The following BARD1 variants were observed in gnomAD, a reference collection of about 807,000 sequenced individuals.
The protein encoded by BARD1 is BRCA1-associated RING domain protein 1.
A neutral mutation model predicts 77.0 loss-of-function variants in BARD1; 73 were observed. The observed-to-expected ratio is 0.95, with a 90% CI of 0.79 to 1.15. The LOEUF is 1.15. Ranked by LOEUF, BARD1 falls within the 50% of genes most tolerant of loss-of-function variation. The pLI is 0.00. For synonymous variants in BARD1, 384 were observed against 338.0 expected (o/e 1.14, Z -1.49); for missense variants, 993 against 938.8 (o/e 1.06, Z -0.75).
intron 3 of BARD1, among the ~76,000 whole-genome samples, chr2:214,791,369 A>C (rs1695504064): frequency 2.0e-5 from 3 of 152,216 alleles, no homozygotes; most frequent in Non-Finnish European, 2.9e-5. Context: ...TAAGAACAAA[A>C]GATTTAAAAA....
At chr2:214,798,842 G>T (rs1695881724) in intron 1 of BARD1, among the ~76,000 whole-genome samples, 1 of 151,950 alleles carries the variant, frequency 6.6e-6, no homozygotes, top group Non-Finnish European at 1.5e-5. Context: ...GTAGCAACCG[G>T]GTACTGAGGC....
At position 214,728,281 on chromosome 2, in the gene BARD1, TAAA is replaced by T. The variant is rs754881729; in HGVS notation, c.*392_*394del. On this transcript the variant is annotated 3_prime_UTR_variant, in exon 11 of 11. Transcript: ENST00000260947. ...AATTGTTTGATAATATTCTGTTTACTAAAAAAAAAAAAAAAAAAAAGGCAAGTT... is the reference window on the plus strand; with the variant it reads ...AATTGTTTGATAATATTCTGTTTACTAAAAAAAAAAAAAAAAAGGCAAGTT... 8.3e-3 allele frequency: 1,225 copies of T among 148,070 alleles called. No individual in the cohort carries two copies. Among genetic ancestry groups the T allele is most frequent in the East Asian group, 0.022 (248 of 11,138 alleles). 9.2% of individuals were successfully genotyped at this position (148,070 alleles called of 1,614,324 possible). A position where few individuals can be genotyped will look rare whatever the true frequency, so the allele number is the denominator to read the frequency against.
chr2:214,745,625 T>C (rs1045230764), intron 8 of BARD1, 97 bp downstream of exon 8: 143 of 1,481,904 alleles, frequency 9.6e-5, no homozygotes, highest in East Asian at 2.3e-5. Flanking sequence ...CATCTCCCAA[T>C]GGTTAAAACA....
intron 1 of BARD1, among the ~76,000 whole-genome samples, chr2:214,807,981 A>T (rs1337382879): frequency 6.6e-6 from 1 of 152,226 alleles, no homozygotes; most frequent in Non-Finnish European, 1.5e-5. Context: ...ACACAACTCA[A>T]ATGTCTTCAT....
At chr2:214,737,836 CA>C (rs1692633626) in intron 9 of BARD1, among the ~76,000 whole-genome samples, 2 of 152,010 alleles carry the variant, frequency 1.3e-5, no homozygotes, top group African/African-American at 4.8e-5. Context: ...ATTTAAAACA[CA>C]GTTACATTTT....
chr2:214,742,710 C>T (rs528833579), intron 9 of BARD1, among the ~76,000 whole-genome samples: 1 of 152,304 alleles, frequency 6.6e-6, no homozygotes, highest in African/African-American at 2.4e-5. Flanking sequence ...CCAAAGAAGG[C>T]ATATTTTATG....
At chr2:214,781,727 T>C (rs909654056) in intron 3 of BARD1, among the ~76,000 whole-genome samples, 1 of 152,070 alleles carries the variant, frequency 6.6e-6, no homozygotes, top group Admixed American at 6.6e-5. Flanking sequence ...ACTGAAGATA[T>C]AGCAGAGAAC....
intron 9 of BARD1, among the ~76,000 whole-genome samples, chr2:214,741,021 G>A (rs910612241): frequency 2.0e-5 from 3 of 152,056 alleles, no homozygotes; most frequent in Non-Finnish European, 4.4e-5. Flanking sequence ...TGTTTGAAAA[G>A]AATTAATGTG....
intron 1 of BARD1, among the ~76,000 whole-genome samples, chr2:214,808,929 G>T (rs1023028873): frequency 6.6e-6 from 1 of 152,222 alleles, no homozygotes; most frequent in Non-Finnish European, 1.5e-5. Context: ...AAGCTGGCAC[G>T]GAGAAAATGT....
intron 4 of BARD1, among the ~76,000 whole-genome samples, chr2:214,777,794 G>A (rs1694799286): frequency 6.6e-6 from 1 of 152,188 alleles, no homozygotes; most frequent in South Asian, 2.1e-4. Flanking sequence ...TCTGAAGCAG[G>A]TGGGTGCAAA....
chr2:214,732,687 A>T (rs1171900262), intron 9 of BARD1, among the ~76,000 whole-genome samples: 1 of 152,122 alleles, frequency 6.6e-6, no homozygotes, highest in East Asian at 1.9e-4. Flanking sequence ...GAACCACCAC[A>T]CCTTGCTGAC....
chr2:214,756,597 G>A (rs572785206), intron 6 of BARD1, among the ~76,000 whole-genome samples: 1 of 152,312 alleles, frequency 6.6e-6, no homozygotes, highest in East Asian at 1.9e-4. Context: ...ATCAATCAAT[G>A]AGTGGATAAA....
intron 3 of BARD1, among the ~76,000 whole-genome samples, chr2:214,787,587 T>C (rs1466135941): frequency 6.6e-6 from 1 of 151,970 alleles, no homozygotes; most frequent in Non-Finnish European, 1.5e-5. Flanking sequence ...AATCAACATA[T>C]TCATTTCATG....
rs1179741659 is a variant in BARD1, at chr2:214,781,556, T to A, written c.365-47A>T. 2.0e-6 allele frequency: 3 copies of A among 1,514,988 alleles called. No individual in the cohort carries two copies. In the Admixed American group the frequency reaches 5.2e-5, roughly 26 times the overall value. 93.8% of individuals were successfully genotyped at this position (1,514,988 alleles called of 1,614,324 possible). The stretch of plus-strand genomic sequence containing the variant: ...AAATCTGTTACATGAAATTTATTGC[T>A]CCCACATGGAGCTCCCGAAGAATTT... On this transcript the variant is annotated intron_variant, in intron 3 of 10. Transcript: ENST00000260947.
At chr2:214,768,997 G>C (rs531483804) in intron 5 of BARD1, among the ~76,000 whole-genome samples, 1 of 152,312 alleles carries the variant, frequency 6.6e-6, no homozygotes, top group East Asian at 1.9e-4. Flanking sequence ...CTGCAGTACA[G>C]TACAAATGGA....
intron 4 of BARD1, among the ~76,000 whole-genome samples, chr2:214,774,210 G>A (rs1694642023): frequency 6.6e-6 from 1 of 152,076 alleles, no homozygotes; most frequent in Non-Finnish European, 1.5e-5. Context: ...CATGAAAACT[G>A]TAATCAACTC....
chr2:214,766,356 G>A (rs1030627882), intron 6 of BARD1, among the ~76,000 whole-genome samples: 7 of 152,032 alleles, frequency 4.6e-5, no homozygotes, highest in Non-Finnish European at 8.8e-5. Flanking sequence ...TGTTGTAATA[G>A]TAAATACACA....
At chr2:214,781,651 C>T in intron 3 of BARD1, 142 bp from the exon 4 acceptor site, 2 of 670,132 alleles carry the variant, frequency 3.0e-6, no homozygotes, top group Non-Finnish European at 5.0e-6. Flanking sequence ...AGAGTGTGAA[C>T]TCTTTGATAG....
chr2:214,781,873 C>A (rs1695055622), intron 3 of BARD1, among the ~76,000 whole-genome samples: 1 of 152,150 alleles, frequency 6.6e-6, no homozygotes, highest in South Asian at 2.1e-4. Flanking sequence ...GAGAGATATA[C>A]CATGTTCATG....
Sources: gnomAD v4.1 joint callset for allele counts (sites outside exome capture counted in the v4.1 genomes callset) on GRCh38, gnomAD v4.1.1 for gene constraint, MANE v1.5 for transcripts, NCBI Gene and HGNC (gene_info 2026-07-23, HGNC 2026-07-21) for gene names.